F13A1: variants seen among roughly 807,000 people sequenced by gnomAD.
F13A1 encodes the protein FSF, A subunit.
In F13A1, 47 loss-of-function variants were observed where a neutral mutation model predicts 80.1. The observed-to-expected ratio is 0.59, with a 90% CI of 0.46 to 0.75. The LOEUF (loss-of-function observed/expected upper bound fraction) is 0.75, where lower values mean the gene tolerates loss of function less well. Among genes scored for constraint, F13A1 ranks in the 30% least tolerant of loss-of-function variants. The probability of loss-of-function intolerance (pLI) is 0.00; values close to 1 mark genes in which losing one functional copy is unlikely to be tolerated. For synonymous variants in F13A1, 349 were observed against 344.9 expected, an observed-to-expected ratio of 1.01 and a Z score of -0.13; for missense variants, 817 against 930.4, an observed-to-expected ratio of 0.88 and a Z score of 1.59.
chr6:6,241,651 G>A (rs532382218), intron 6 of F13A1, among the ~76,000 whole-genome samples: 9 of 152,240 alleles, frequency 5.9e-5, no homozygotes, highest in South Asian at 2.1e-4. Context: ...AGAGGTTTAA[G>A]CTGCTTTATA....
intron 3 of F13A1, among the ~76,000 whole-genome samples, chr6:6,294,773 T>A (rs900086656): frequency 1.3e-5 from 2 of 151,852 alleles, no homozygotes; most frequent in African/African-American, 4.9e-5. Context: ...CTTTAAGTTT[T>A]AGGGTACATG....
rs3024385 is a variant in F13A1, at chr6:6,249,652, G to T, written c.690+1159C>A. On this transcript the variant is annotated intron_variant, in intron 5 of 14. Transcript: ENST00000264870. The stretch of plus-strand genomic sequence containing the variant: ...GCCCACCTTGATGACTTTTCCCCTT[G>T]TTAGCTATCTATAGATTGTCATATT... Among the ~76,000 whole-genome samples the T allele has an allele frequency of 2.0e-3, 303 of 152,234 alleles. 1 individual carries two copies. The highest frequency in any genetic ancestry group is 6.8e-3 in the African/African-American group (281 of 41,538).
At chr6:6,210,605 A>C (rs1430573300) in intron 8 of F13A1, among the ~76,000 whole-genome samples, 2 of 151,816 alleles carry the variant, frequency 1.3e-5, no homozygotes, top group Admixed American at 6.6e-5. Flanking sequence ...TGTGTTAGCC[A>C]GGATGGTCTT....
Position 6,167,529 on chromosome 6 carries a change from T to G in F13A1, c.1837A>C (p.Ile613Leu), listed in dbSNP as rs140646752. Residue 613 changes from isoleucine to leucine, a missense_variant, in exon 13 of 15, where the codon ATC becomes CTC. Transcript: ENST00000264870. ...ASLHFFVTARINETRDVLAKQ... is the reference protein window; with the variant it reads ...ASLHFFVTARLNETRDVLAKQ... The stretch of plus-strand genomic sequence containing the variant: ...GCCAGAACATCCCTGGTCTCATTGA[T>G]GCGAGCTGTGACAAAGAAGTGCAGG... The G allele has an allele frequency of 1.9e-6, 3 of 1,614,134 alleles. No individual in the cohort carries two copies. Among genetic ancestry groups the G allele is most frequent in the East Asian group, 4.5e-5 (2 of 44,878 alleles).
intron 8 of F13A1, among the ~76,000 whole-genome samples, chr6:6,203,874 T>G (rs899526898): frequency 6.6e-6 from 1 of 152,212 alleles, no homozygotes; most frequent in African/African-American, 2.4e-5. Flanking sequence ...TACTTCTTAC[T>G]TTGGTATTTT....
chr6:6,248,459 C>A (rs376491562), intron 5 of F13A1, 40 bp from the exon 6 acceptor site: 3 of 1,498,002 alleles, frequency 2.0e-6, no homozygotes, highest in Admixed American at 3.5e-5. Flanking sequence ...CTAGTGTTCA[C>A]TCTGCAAGCA....
chr6:6,182,362 A>G (rs1053089200), intron 10 of F13A1, among the ~76,000 whole-genome samples: 4 of 152,202 alleles, frequency 2.6e-5, no homozygotes, highest in African/African-American at 9.6e-5. Flanking sequence ...TTTGAGGCTG[A>G]GATAATAAAC....
At chr6:6,225,002 C>G in intron 6 of F13A1, 142 bp from the exon 7 acceptor site, 1 of 878,196 alleles carries the variant, frequency 1.1e-6, no homozygotes, top group Non-Finnish European at 1.8e-6. Context: ...GTTCGGTTTA[C>G]CATTACATTG....
chr6:6,198,911 G>A (rs761308055), intron 8 of F13A1, among the ~76,000 whole-genome samples: 2 of 152,314 alleles, frequency 1.3e-5, no homozygotes, highest in South Asian at 2.1e-4. Context: ...GGGAAGTGAT[G>A]TTTGAGCTGA....
In F13A1 at chr6:6,277,249, T is replaced by C. The variant is rs372863792; in HGVS notation, c.320-10440A>G. 1.3e-3 allele frequency among the ~76,000 whole-genome samples: 62 copies of C among 48,936 alleles called. 17 individuals carry two copies. In the East Asian group the frequency reaches 0.021, roughly 16 times the overall value. The allele number at this position is 48,936 out of a possible 152,430, so 32.1% of individuals were successfully genotyped here. On this transcript the variant is annotated intron_variant, in intron 3 of 14. Coordinates refer to ENST00000264870, the MANE Select transcript of F13A1 (RefSeq NM_000129.4). ...TACTTGGGAGGCTGAGGCAGGAGAA[T>C]GGCGTGAACCCGGGAGGCGGAGCTT...
intron 8 of F13A1, among the ~76,000 whole-genome samples, chr6:6,209,037 G>A (rs1761548599): frequency 6.6e-6 from 1 of 152,068 alleles, no homozygotes; most frequent in African/African-American, 2.4e-5. Flanking sequence ...ACACCATTAA[G>A]AAAGTGAAAA....
chr6:6,197,546 C>T (rs1457034321), intron 8 of F13A1, among the ~76,000 whole-genome samples: 4 of 151,998 alleles, frequency 2.6e-5, no homozygotes, highest in African/African-American at 4.8e-5. Flanking sequence ...GGTGTGGTGG[C>T]GGGTGCCTGT....
intron 4 of F13A1, among the ~76,000 whole-genome samples, chr6:6,258,290 G>A (rs779007857): frequency 1.3e-5 from 2 of 152,012 alleles, no homozygotes; most frequent in Non-Finnish European, 2.9e-5. Flanking sequence ...TCTAATAATC[G>A]TCTCCTTGCC....
chr6:6,144,130 A>G lies in F13A1; in HGVS notation c.*1489T>C, dbSNP rs1760234012. ...TTAAGCTTCTATTACATTGTAATTA[A>G]TAATAATATACTAAGTTAAGCCAGT... On this transcript the variant is annotated 3_prime_UTR_variant, in exon 15 of 15. Coordinates refer to ENST00000264870, the MANE Select transcript of F13A1 (RefSeq NM_000129.4). The G allele has an allele frequency of 6.6e-6, 1 of 151,910 alleles. No homozygotes were observed. The highest frequency in any genetic ancestry group is 6.5e-5 in the Admixed American group (1 of 15,284). 9.4% of individuals were successfully genotyped at this position (151,910 alleles called of 1,614,324 possible).
At chr6:6,268,937 C>A (rs199957516) in intron 3 of F13A1, among the ~76,000 whole-genome samples, 1 of 150,968 alleles carries the variant, frequency 6.6e-6, no homozygotes, top group South Asian at 2.1e-4. Context: ...TGTTCCCCCC[C>A]GCCTCAGCCT....
At chr6:6,268,959 G>A (rs1190117924) in intron 3 of F13A1, among the ~76,000 whole-genome samples, 1 of 151,884 alleles carries the variant, frequency 6.6e-6, no homozygotes, top group Admixed American at 6.6e-5. Context: ...CCAAAGTACT[G>A]GGATTACAGG....
chr6:6,144,725 T>C lies in F13A1; in HGVS notation c.*894A>G, dbSNP rs552304192. ...TCTTCAACTTGTTGGGCTTATTATA[T>C]CTCTGAAAGGGGACCTGAACCTGCA... On this transcript the variant is annotated 3_prime_UTR_variant, in exon 15 of 15. Coordinates refer to ENST00000264870, the MANE Select transcript of F13A1 (RefSeq NM_000129.4). 6 of 152,638 alleles carry C rather than the reference T, an allele frequency of 3.9e-5. No homozygotes were observed. Among genetic ancestry groups the C allele is most frequent in the African/African-American group, 1.4e-4 (6 of 41,564 alleles). The allele number at this position is 152,638 out of a possible 1,614,324, so 9.5% of individuals were successfully genotyped here.
At chr6:6,249,948 A>G (rs2113100995) in intron 5 of F13A1, among the ~76,000 whole-genome samples, 1 of 152,278 alleles carries the variant, frequency 6.6e-6, no homozygotes, top group Admixed American at 6.5e-5. Context: ...AGGCAGGATA[A>G]CACGGGTACT....
chr6:6,289,236 C>G (rs946644184), intron 3 of F13A1, among the ~76,000 whole-genome samples: 5 of 152,058 alleles, frequency 3.3e-5, no homozygotes, highest in African/African-American at 1.2e-4. Context: ...AGCTCGGGTT[C>G]TGACTGGGCA....
Sources: allele counts gnomAD v4.1 joint callset (sites outside exome capture counted in the v4.1 genomes callset), GRCh38; gene constraint gnomAD v4.1.1; transcripts MANE v1.5; gene names NCBI Gene and HGNC (gene_info 2026-07-23, HGNC 2026-07-21).